PHPT1: variants seen among roughly 807,000 people sequenced by gnomAD.
PHPT1 encodes 14 kDa phosphohistidine phosphatase.
PHPT1 carries 16 observed loss-of-function variants against 15.6 expected under a neutral mutation model. The ratio of observed to expected loss-of-function variants is 1.03; its 90% CI spans 0.70 to 1.56. The LOEUF is 1.56. Ranked by LOEUF, PHPT1 falls within the 40% of genes most tolerant of loss-of-function variation. The probability of loss-of-function intolerance (pLI) is 0.00; values close to 1 mark genes in which losing one functional copy is unlikely to be tolerated. For missense variants in PHPT1, 228 were observed against 171.0 expected, an observed-to-expected ratio of 1.33 and a Z score of -1.86; for synonymous variants, 102 against 68.1, an observed-to-expected ratio of 1.50 and a Z score of -2.45.
At chr9:136,849,844 G>T in intron 1 of PHPT1, 169 bp from the exon 2 acceptor site, 1 of 796,722 alleles carries the variant, frequency 1.3e-6, no homozygotes, top group African/African-American at 1.7e-5. Context: ...CGCCCTCCCC[G>T]GTTCCACCCT....
intron 2 of PHPT1, chr9:136,850,503 C>T: frequency 6.2e-7 from 1 of 1,611,502 alleles, no homozygotes; most frequent in South Asian, 1.1e-5. Context: ...AAACCACCAG[C>T]AGATGAGACC....
intron 1 of PHPT1, 66 bp downstream of exon 1, chr9:136,849,656 C>T (rs936963334): frequency 1.3e-5 from 5 of 381,626 alleles, no homozygotes; most frequent in East Asian, 1.4e-4. Flanking sequence ...GCTGGCGGGA[C>T]GGAGACGGGG....
In PHPT1 at chr9:136,850,776, G is replaced by A. The variant is rs371197839; in HGVS notation, c.307G>A (p.Ala103Thr). The change falls in exon 3 of 3, where the codon GCC becomes ACC. Residue 103 changes from alanine to threonine, a missense_variant. Coordinates refer to ENST00000247665, the MANE Select transcript of PHPT1 (RefSeq NM_014172.6). ...YSMAYGPAQH[A>T]ISTEKIKAKY... ...CCAGGCCTATGGTCCTGCCCAGCAC[G>A]CCATTTCAACTGAGAAAATCAAAGC... The A allele has an allele frequency of 3.3e-5, 53 of 1,613,020 alleles. No individual in the cohort carries two copies. The highest frequency in any genetic ancestry group is 9.3e-5 in the African/African-American group (7 of 74,928).
Position 136,850,468 on chromosome 9 carries a change from G to A in PHPT1, c.286-287G>A, listed in dbSNP as rs371298187. 1.1e-5 allele frequency: 17 copies of A among 1,582,192 alleles called. No individual in the cohort carries two copies. The African/African-American group carries it at 1.9e-4, about 18-fold the overall frequency. ...GCAGTCAGTACCTGGGTGGAGCTCAGAGTCCCCACCTGTGCTCTTCACAAA... is the reference window on the plus strand; with the variant it reads ...GCAGTCAGTACCTGGGTGGAGCTCAAAGTCCCCACCTGTGCTCTTCACAAA... On this transcript the variant is annotated intron_variant, in intron 2 of 2. Coordinates refer to ENST00000247665, the MANE Select transcript of PHPT1 (RefSeq NM_014172.6).
intron 2 of PHPT1, chr9:136,850,447 T>G (rs1370579332): frequency 6.1e-6 from 9 of 1,482,680 alleles, no homozygotes; most frequent in African/African-American, 4.2e-5. Flanking sequence ...CCAGAGGCAG[T>G]CAGTACCTGG....
rs374428973 is a variant in PHPT1 at position 136,850,739 on chromosome 9, G to A, written c.286-16G>A. 4.1e-5 allele frequency: 66 copies of A among 1,606,860 alleles called. No homozygotes were observed. Among genetic ancestry groups the A allele is most frequent in the Non-Finnish European group, 5.3e-5 (62 of 1,174,442 alleles). ...AAGGGTCCAGGTAGTGCCAGCAGGC[G>A]TCTTCTCTTCTCCAGGCCTATGGTC... On this transcript the variant is annotated splice_polypyrimidine_tract_variant and intron_variant, in intron 2 of 2. Transcript: ENST00000247665.
chr9:136,850,126 G>A lies in PHPT1; in HGVS notation c.274G>A (p.Gly92Ser), dbSNP rs1335464090. The A allele has an allele frequency of 1.2e-6, 2 of 1,613,150 alleles. No homozygotes were observed. Among genetic ancestry groups the A allele is most frequent in the South Asian group, 1.1e-5 (1 of 91,086 alleles). ...QSQDKKIHVY[G>S]YSMAYGPAQH... ...TCAGGACAAGAAGATTCACGTGTAC[G>A]GCTATTCCATGGTGAGCCGCAGCCC... Residue 92 changes from glycine to serine, a missense_variant, in exon 2 of 3, where the codon GGC (glycine) becomes AGC (serine). Physicochemically the swap from Gly to Ser is moderately conservative, Grantham distance 56. Coordinates refer to ENST00000247665, the MANE Select transcript of PHPT1 (RefSeq NM_014172.6).
chr9:136,850,696 G>C, intron 2 of PHPT1, 59 bp from the exon 3 acceptor site: 2 of 1,525,032 alleles, frequency 1.3e-6, no homozygotes, highest in Non-Finnish European at 9.1e-7. Flanking sequence ...TGGATGCCCA[G>C]AGCCGGGTAT....
intron 1 of PHPT1, 136 bp downstream of exon 1, chr9:136,849,726 G>T (rs968105033): frequency 3.6e-6 from 3 of 837,668 alleles, no homozygotes; most frequent in Non-Finnish European, 5.1e-6. Flanking sequence ...GTAGCGGACT[G>T]CGCTCTGCTC....
chr9:136,849,979 C>T, intron 1 of PHPT1, 34 bp from the exon 2 acceptor site: 1 of 1,593,142 alleles, frequency 6.3e-7, no homozygotes, highest in Non-Finnish European at 8.6e-7. Flanking sequence ...CAAGGGCGGC[C>T]AGGGCACGTC....
At position 136,850,889 on chromosome 9, in the gene PHPT1, A is replaced by G. The variant is rs1848902090; in HGVS notation, c.*42A>G. The G allele has an allele frequency of 6.9e-7, 1 of 1,459,370 alleles. No homozygotes were observed. The highest frequency in any genetic ancestry group is 1.4e-5 in the African/African-American group (1 of 71,886). 90.4% of individuals were successfully genotyped at this position (1,459,370 alleles called of 1,614,324 possible). A position where few individuals can be genotyped will look rare whatever the true frequency, so the allele number is the denominator to read the frequency against. On this transcript the variant is annotated 3_prime_UTR_variant, in exon 3 of 3. Coordinates refer to ENST00000247665, the MANE Select transcript of PHPT1 (RefSeq NM_014172.6). The stretch of plus-strand genomic sequence containing the variant: ...GCCTGCTGCCTCCAGCAGCCACTTC[A>G]GAGCCCCCGCCTTTGCCTGCACTCC...
chr9:136,850,349 C>A, intron 2 of PHPT1: 1 of 847,942 alleles, frequency 1.2e-6, no homozygotes, highest in Non-Finnish European at 1.9e-6. Context: ...GGACGGACAC[C>A]CCCAGACATG....
At chr9:136,850,314 G>T in intron 2 of PHPT1, 177 bp downstream of exon 2, 1 of 886,368 alleles carries the variant, frequency 1.1e-6, no homozygotes. Flanking sequence ...TTCCCCCATG[G>T]AGCACACGCC....
intron 1 of PHPT1, 27 bp downstream of exon 1, chr9:136,849,617 AG>A (rs777606294): frequency 8.1e-5 from 68 of 840,772 alleles, no homozygotes; most frequent in Admixed American, 4.5e-4. Flanking sequence ...CGGGCATGCC[AG>A]GGGCACGCCT....
rs191505884 is a variant in PHPT1 at position 136,849,808 on chromosome 9, C to T, written c.161-205C>T. 291 of 707,334 alleles carry T rather than the reference C, an allele frequency of 4.1e-4. 2 individuals carry two copies. Among genetic ancestry groups the T allele is most frequent in the Middle Eastern group, 2.0e-3 (5 of 2,460 alleles). The allele number at this position is 707,334 out of a possible 1,614,324, so 43.8% of individuals were successfully genotyped here. ...GGAAGGGCGTGACACGGCCTGACACCCTCCCCAGCAGTCTCCCAGTTCCCG... is the reference window on the plus strand; with the variant it reads ...GGAAGGGCGTGACACGGCCTGACACTCTCCCCAGCAGTCTCCCAGTTCCCG... On this transcript the variant is annotated intron_variant, in intron 1 of 2. Transcript: ENST00000247665.
chr9:136,850,953 C>T lies in PHPT1; in HGVS notation c.*106C>T, dbSNP rs1209255499. ...GCCCTGCCTGCTCCTGCGGCAGCCT[C>T]TGGTGACGTGCTGTCCACCAGGCCT... On this transcript the variant is annotated 3_prime_UTR_variant, in exon 3 of 3. Transcript: ENST00000247665. 4 of 863,596 alleles carry T rather than the reference C, an allele frequency of 4.6e-6. No individual in the cohort carries two copies. The highest frequency in any genetic ancestry group is 8.0e-6 in the Non-Finnish European group (4 of 501,486). The allele number at this position is 863,596 out of a possible 1,614,324, so 53.5% of individuals were successfully genotyped here. A position where few individuals can be genotyped will look rare whatever the true frequency, so the allele number is the denominator to read the frequency against.
chr9:136,850,360 G>A, intron 2 of PHPT1: 1 of 855,994 alleles, frequency 1.2e-6, no homozygotes, highest in Non-Finnish European at 1.8e-6. Flanking sequence ...CCCAGACATG[G>A]CCGGCTGTCT....
Position 136,849,454 on chromosome 9 carries a change from C to T in PHPT1, c.24C>T (p.Leu8=), listed in dbSNP as rs1588385715. The T allele has an allele frequency of 1.2e-6, 2 of 1,609,158 alleles. No individual in the cohort carries two copies. The highest frequency in any genetic ancestry group is 8.5e-7 in the Non-Finnish European group (1 of 1,177,986). The change falls in exon 1 of 3, where the codon CTC becomes CTT. Residue 8 remains leucine, a synonymous_variant. Transcript: ENST00000247665. ...ACATGGCGGTGGCGGACCTCGCTCT[C>T]ATTCCTGATGTGGACATCGACTCCG... The part of the protein sequence containing the change: MAVADLA[L]IPDVDIDSDG...
chr9:136,849,500 C>T lies in PHPT1; in HGVS notation c.70C>T (p.Leu24=). Residue 24 remains leucine, a synonymous_variant, in exon 1 of 3, where the codon CTG becomes TTG. Transcript: ENST00000247665. The part of the protein sequence containing the change: ...IDSDGVFKYV[L]IRVHSAPRSG... ...CTCCGACGGCGTCTTCAAGTATGTG[C>T]TGATCCGAGTCCACTCGGCTCCCCG... 6.2e-7 allele frequency: 1 copy of T among 1,611,786 alleles called. No homozygotes were observed. The highest frequency in any genetic ancestry group is 1.1e-5 in the South Asian group (1 of 90,924).
Sources: allele counts gnomAD v4.1 joint callset, GRCh38; gene constraint gnomAD v4.1.1; transcripts MANE v1.5; gene names NCBI Gene and HGNC (gene_info 2026-07-23, HGNC 2026-07-21).